The following MACROD2 variants were observed in gnomAD, a reference collection of about 807,000 sequenced individuals.
MACROD2 encodes ADP-ribose glycohydrolase MACROD2.
A neutral mutation model predicts 70.4 loss-of-function variants in MACROD2; 36 were observed. The ratio of observed to expected loss-of-function variants is 0.51; its 90% CI spans 0.39 to 0.68. MACROD2 has a LOEUF of 0.68. Among genes scored for constraint, MACROD2 ranks in the 30% least tolerant of loss-of-function variants. The probability of loss-of-function intolerance (pLI) is 0.00; values close to 1 mark genes in which losing one functional copy is unlikely to be tolerated. For synonymous variants in MACROD2, 172 were observed against 178.8 expected (o/e 0.96, Z 0.30); for missense variants, 496 against 538.4 (o/e 0.92, Z 0.78).
chr20:14,622,682 C>T (rs547026419), intron 4 of MACROD2, among the ~76,000 whole-genome samples: 3 of 152,234 alleles, frequency 2.0e-5, no homozygotes, highest in South Asian at 4.1e-4. Context: ...TTCTTGTGAT[C>T]GCCTAAGTCT....
Position 14,615,099 on chromosome 20 carries a change from CCCA to C in MACROD2, c.302-69742_302-69740del. Among the ~76,000 whole-genome samples, 2 of 152,054 alleles carry C rather than the reference CCCA, an allele frequency of 1.3e-5. 1 individual carries two copies. Among genetic ancestry groups the C allele is most frequent in the South Asian group, 4.1e-4 (2 of 4,834 alleles). ...ATTCCAAGTGAAGTTTTCAGCTAACCCCACAGGAGCTCTGGGGCTGGGGTGACT... is the reference window on the plus strand; with the variant it reads ...ATTCCAAGTGAAGTTTTCAGCTAACCCAGGAGCTCTGGGGCTGGGGTGACT... On this transcript the variant is annotated intron_variant, in intron 4 of 17. Coordinates refer to ENST00000684519, the MANE Select transcript of MACROD2 (RefSeq NM_001351661.2).
chr20:15,229,320 T>C (rs759978478), intron 5 of MACROD2, among the ~76,000 whole-genome samples: 20 of 152,350 alleles, frequency 1.3e-4, no homozygotes, highest in Non-Finnish European at 2.1e-4. Context: ...GATAATTAAC[T>C]ATTAACCTAT....
At chr20:14,616,738 A>G (rs1237600139) in intron 4 of MACROD2, among the ~76,000 whole-genome samples, 1 of 152,104 alleles carries the variant, frequency 6.6e-6, no homozygotes, top group Admixed American at 6.6e-5. Flanking sequence ...CAAAAATGAG[A>G]TGGATGAACT....
At chr20:14,855,332 T>C (rs2073242405) in intron 5 of MACROD2, among the ~76,000 whole-genome samples, 1 of 152,082 alleles carries the variant, frequency 6.6e-6, no homozygotes. Flanking sequence ...TTTCTCACAT[T>C]TGCTAATTAA....
Position 15,495,653 on chromosome 20 carries a change from C to G in MACROD2, c.572-4121C>G, listed in dbSNP as rs1469989635. Among the ~76,000 whole-genome samples the G allele has an allele frequency of 2.0e-5, 3 of 152,220 alleles. No homozygotes were observed. The East Asian group carries it at 5.8e-4, about 29-fold the overall frequency. On this transcript the variant is annotated intron_variant, in intron 7 of 17. Coordinates refer to ENST00000684519, the MANE Select transcript of MACROD2 (RefSeq NM_001351661.2). Reference sequence around the variant, plus strand: ...TCAACACCTAGTTATTGATCATTCTCTATGTGCCAGCAATGTTTTAGGTAT... The same window carrying G: ...TCAACACCTAGTTATTGATCATTCTGTATGTGCCAGCAATGTTTTAGGTAT...
chr20:14,604,912 A>G (rs1289366346), intron 4 of MACROD2, among the ~76,000 whole-genome samples: 3 of 152,216 alleles, frequency 2.0e-5, no homozygotes, highest in African/African-American at 7.2e-5. Flanking sequence ...ATGTATGGAA[A>G]GGCTGGTACA....
rs150068147 is a variant in MACROD2 at position 15,030,908 on chromosome 20, G to T, written c.419-199032G>T. Among the ~76,000 whole-genome samples, 1,464 of 152,256 alleles carry T rather than the reference G, an allele frequency of 9.6e-3. 23 individuals are homozygous for T. The highest frequency in any genetic ancestry group is 0.033 in the African/African-American group (1,379 of 41,552). ...GCCGGAAACCTCTGAGGCTGGTAGCGCCTTTGCCCGAATTTTGCTTGGGCC... is the reference window on the plus strand; with the variant it reads ...GCCGGAAACCTCTGAGGCTGGTAGCTCCTTTGCCCGAATTTTGCTTGGGCC... On this transcript the variant is annotated intron_variant, in intron 5 of 17. Transcript: ENST00000684519.
chr20:14,138,245 T>A (rs1198223531), intron 3 of MACROD2, among the ~76,000 whole-genome samples: 2 of 152,118 alleles, frequency 1.3e-5, no homozygotes, highest in Non-Finnish European at 2.9e-5. Flanking sequence ...GATCCAGCAA[T>A]CCCATTTCTG....
chr20:14,909,795 G>C (rs1600808030), intron 5 of MACROD2, among the ~76,000 whole-genome samples: 2 of 152,106 alleles, frequency 1.3e-5, no homozygotes, highest in Admixed American at 1.3e-4. Context: ...TACATTTTAT[G>C]TTTAGCTATT....
chr20:14,495,676 G>T (rs1235209338), intron 4 of MACROD2, among the ~76,000 whole-genome samples: 1 of 151,980 alleles, frequency 6.6e-6, no homozygotes, highest in African/African-American at 2.4e-5. Context: ...CCAGTGATTT[G>T]GCTTGTATTT....
chr20:15,610,042 C>T (rs1417917981), intron 8 of MACROD2, among the ~76,000 whole-genome samples: 1 of 152,168 alleles, frequency 6.6e-6, no homozygotes, highest in Non-Finnish European at 1.5e-5. Flanking sequence ...TGCTAGCACT[C>T]CTGGAAATAG....
Position 14,510,644 on chromosome 20 carries a change from A to T in MACROD2, c.301+17136A>T, listed in dbSNP as rs150671643. On this transcript the variant is annotated intron_variant, in intron 4 of 17. Coordinates refer to ENST00000684519, the MANE Select transcript of MACROD2 (RefSeq NM_001351661.2). The stretch of plus-strand genomic sequence containing the variant: ...GGATTGTGTTTATGGAAGAAGATGA[A>T]GAAGAAGAGACCCAAAAATGGAATA... Among the ~76,000 whole-genome samples, 493 of 152,198 alleles carry T rather than the reference A, an allele frequency of 3.2e-3. 4 individuals are homozygous for T. The highest frequency in any genetic ancestry group is 0.011 in the African/African-American group (468 of 41,554).
In MACROD2 at chr20:15,477,698, G is replaced by A. The variant is rs531897321; in HGVS notation, c.572-22076G>A. Among the ~76,000 whole-genome samples, 186 of 152,258 alleles carry A rather than the reference G, an allele frequency of 1.2e-3. 2 individuals carry two copies. The highest frequency in any genetic ancestry group is 2.5e-3 in the South Asian group (12 of 4,818). On this transcript the variant is annotated intron_variant, in intron 7 of 17. Coordinates refer to ENST00000684519, the MANE Select transcript of MACROD2 (RefSeq NM_001351661.2). ...GAACTATGGCCTCAAAAAGAGGTCC[G>A]CGTCCTAGTTCACAGAACCTATGAA...
intron 3 of MACROD2, among the ~76,000 whole-genome samples, chr20:14,126,225 G>T (rs2054648185): frequency 6.6e-6 from 1 of 152,156 alleles, no homozygotes; most frequent in South Asian, 2.1e-4. Context: ...GCTTGCAGAT[G>T]GCTGCCCTCT....
chr20:15,531,795 A>G (rs2047805408), intron 8 of MACROD2, among the ~76,000 whole-genome samples: 1 of 152,148 alleles, frequency 6.6e-6, no homozygotes, highest in Non-Finnish European at 1.5e-5. Flanking sequence ...TAGCAAAATA[A>G]TTATTCACTA....
At chr20:14,330,936 T>C (rs1038030374) in intron 3 of MACROD2, among the ~76,000 whole-genome samples, 5 of 152,256 alleles carry the variant, frequency 3.3e-5, no homozygotes, top group Admixed American at 3.3e-4. Flanking sequence ...TTATTCAACA[T>C]ATAAAATAAT....
At chr20:15,190,365 C>T (rs1262812062) in intron 5 of MACROD2, among the ~76,000 whole-genome samples, 1 of 152,090 alleles carries the variant, frequency 6.6e-6, no homozygotes, top group South Asian at 2.1e-4. Context: ...AGCAGATGAG[C>T]TCAGTGCTCA....
At chr20:15,228,671 G>C (rs748882363) in intron 5 of MACROD2, among the ~76,000 whole-genome samples, 1 of 151,662 alleles carries the variant, frequency 6.6e-6, no homozygotes, top group African/African-American at 2.4e-5. Flanking sequence ...TGTATTTTTA[G>C]TAGAGATGGG....
chr20:14,789,528 T>A (rs917474409), intron 5 of MACROD2, among the ~76,000 whole-genome samples: 1 of 126,028 alleles, frequency 7.9e-6, no homozygotes, highest in Non-Finnish European at 1.6e-5. Flanking sequence ...CAGGCTGGAG[T>A]GCAATGGCAG....
Sources: allele counts gnomAD v4.1 joint callset (sites outside exome capture counted in the v4.1 genomes callset), GRCh38; gene constraint gnomAD v4.1.1; transcripts MANE v1.5; gene names NCBI Gene and HGNC (gene_info 2026-07-23, HGNC 2026-07-21).